The following PCDH15 variants were observed in gnomAD, a reference collection of about 807,000 sequenced individuals.
PCDH15 encodes protocadherin related 15, also known as protocadherin-15.
PCDH15 carries 129 observed loss-of-function variants against 178.5 expected under a neutral mutation model. The observed-to-expected ratio is 0.72, with a 90% CI of 0.63 to 0.84. The LOEUF is 0.84. Ranked by LOEUF, PCDH15 falls within the 40% of genes least tolerant of loss-of-function variation. The pLI, the probability that PCDH15 is intolerant of heterozygous loss-of-function variation, is 0.00. For synonymous variants in PCDH15, 800 were observed against 732.0 expected, an observed-to-expected ratio of 1.09 and a Z score of -1.50; for missense variants, 2,230 against 2,099.9, an observed-to-expected ratio of 1.06 and a Z score of -1.21.
chr10:54,940,458 T>C (rs1161646640), intron 2 of PCDH15, among the ~76,000 whole-genome samples: 2 of 152,176 alleles, frequency 1.3e-5, no homozygotes, highest in Non-Finnish European at 2.9e-5. Context: ...ATATGATCCT[T>C]GAATACGTAC....
At chr10:53,938,762 A>G in intron 25 of PCDH15, 53 bp downstream of exon 25, 2 of 1,576,078 alleles carry the variant, frequency 1.3e-6, no homozygotes, top group Non-Finnish European at 1.7e-6. Context: ...CATTTAAAAA[A>G]TTAGCAGAGA....
intron 2 of PCDH15, among the ~76,000 whole-genome samples, chr10:54,923,949 C>T (rs777993831): frequency 7.3e-6 from 1 of 137,876 alleles, no homozygotes; most frequent in Non-Finnish European, 1.7e-5. Context: ...CCCCACTTCT[C>T]TGGTACTAAT....
intron 2 of PCDH15, among the ~76,000 whole-genome samples, chr10:54,592,894 C>A (rs572699828): frequency 1.3e-5 from 2 of 152,164 alleles, no homozygotes; most frequent in Admixed American, 1.3e-4. Flanking sequence ...TGTGGTGATA[C>A]ATTTTTGTGG....
chr10:55,312,081 T>C (rs1304529909), intron 1 of PCDH15, among the ~76,000 whole-genome samples: 1 of 152,170 alleles, frequency 6.6e-6, no homozygotes, highest in African/African-American at 2.4e-5. Context: ...GTCACTGTGA[T>C]GGTAAACTTT....
chr10:53,949,568 A>G (rs2134164631), intron 23 of PCDH15, among the ~76,000 whole-genome samples: 1 of 152,028 alleles, frequency 6.6e-6, no homozygotes, highest in South Asian at 2.1e-4. Context: ...CACTGTCACT[A>G]CAAAATAATT....
At chr10:54,255,682 T>TG (rs1204128150) in intron 8 of PCDH15, among the ~76,000 whole-genome samples, 27 of 152,158 alleles carry the variant, frequency 1.8e-4, no homozygotes, top group Non-Finnish European at 8.8e-5. Flanking sequence ...CAATTATGCA[T>TG]GGGGGAAAAT....
chr10:54,657,647 C>A (rs1201523517), intron 2 of PCDH15, among the ~76,000 whole-genome samples: 1 of 152,124 alleles, frequency 6.6e-6, no homozygotes, highest in Non-Finnish European at 1.5e-5. Flanking sequence ...ACTGAAAGCA[C>A]CCCAAAACAA....
chr10:55,104,269 G>A (rs1450752417), intron 2 of PCDH15, among the ~76,000 whole-genome samples: 1 of 151,476 alleles, frequency 6.6e-6, no homozygotes, highest in East Asian at 1.9e-4. Context: ...TTTTCTCAGT[G>A]ATTTTCTTAA....
chr10:55,508,954 C>T (rs540518212), intron 2 of PCDH15, among the ~76,000 whole-genome samples: 1 of 150,806 alleles, frequency 6.6e-6, no homozygotes, highest in East Asian at 2.0e-4. Context: ...CAAAGCAAAG[C>T]AAAACAAAAC....
chr10:55,198,035 A>T (rs976660389), intron 1 of PCDH15, among the ~76,000 whole-genome samples: 7 of 152,136 alleles, frequency 4.6e-5, no homozygotes, highest in African/African-American at 1.7e-4. Context: ...CTCAGGAGGT[A>T]GAAAAAGGAT....
intron 23 of PCDH15, among the ~76,000 whole-genome samples, chr10:53,945,720 C>T (rs1445852418): frequency 6.6e-6 from 1 of 151,224 alleles, no homozygotes. Flanking sequence ...TAATGTCCTC[C>T]AGATTTGAGA....
At chr10:54,548,874 G>T (rs1278568642) in intron 2 of PCDH15, among the ~76,000 whole-genome samples, 1 of 151,118 alleles carries the variant, frequency 6.6e-6, no homozygotes, top group Non-Finnish European at 1.5e-5. Flanking sequence ...ATTGTGTAGG[G>T]AAAACATAAT....
chr10:54,845,181 T>C (rs1953486957), intron 3 of PCDH15, among the ~76,000 whole-genome samples: 3 of 151,984 alleles, frequency 2.0e-5, no homozygotes, highest in Admixed American at 2.0e-4. Flanking sequence ...ATGTTCATTA[T>C]GTTAATTTTA....
intron 18 of PCDH15, among the ~76,000 whole-genome samples, chr10:54,058,923 A>C (rs1292396020): frequency 6.6e-6 from 1 of 151,920 alleles, no homozygotes; most frequent in Admixed American, 6.6e-5. Context: ...CAAACTCCCG[A>C]CCTCAGATGA....
intron 2 of PCDH15, among the ~76,000 whole-genome samples, chr10:55,146,087 C>T (rs1838502945): frequency 6.6e-6 from 1 of 151,886 alleles, no homozygotes; most frequent in Non-Finnish European, 1.5e-5. Flanking sequence ...CGGAAAAGTC[C>T]GCTTCTTTTT....
intron 6 of PCDH15, among the ~76,000 whole-genome samples, chr10:54,334,376 C>CT (rs1940568309): frequency 6.6e-6 from 1 of 152,146 alleles, no homozygotes; most frequent in Admixed American, 6.5e-5. Context: ...TCTAGCAACT[C>CT]TGTGTTTCCC....
At chr10:54,788,081 A>G (rs1353775626) in intron 1 of PCDH15, among the ~76,000 whole-genome samples, 1 of 151,860 alleles carries the variant, frequency 6.6e-6, no homozygotes, top group Non-Finnish European at 1.5e-5. Context: ...CAGGTGAAAA[A>G]TAATGAGAAC....
chr10:54,976,883 C>A (rs186576152), intron 2 of PCDH15, among the ~76,000 whole-genome samples: 1 of 152,214 alleles, frequency 6.6e-6, no homozygotes, highest in East Asian at 1.9e-4. Context: ...AAACCATAAG[C>A]TAAATTCCTC....
At chr10:54,787,628 T>A (rs956973232) in intron 1 of PCDH15, among the ~76,000 whole-genome samples, 2 of 151,956 alleles carry the variant, frequency 1.3e-5, no homozygotes, top group Non-Finnish European at 2.9e-5. Flanking sequence ...GTATGGACTT[T>A]TCACCTTCCC....
Sources: allele counts gnomAD v4.1 joint callset (sites outside exome capture counted in the v4.1 genomes callset), GRCh38; gene constraint gnomAD v4.1.1; transcripts MANE v1.5; gene names NCBI Gene and HGNC (gene_info 2026-07-23, HGNC 2026-07-21).